TSPAN18: variants seen among roughly 807,000 people sequenced by gnomAD.
TSPAN18 encodes tetraspanin 18.
TSPAN18 carries 14 observed loss-of-function variants against 27.3 expected under a neutral mutation model. The ratio of observed to expected loss-of-function variants is 0.51; its 90% confidence interval spans 0.34 to 0.80. The LOEUF (loss-of-function observed/expected upper bound fraction) is 0.80. Among genes scored for constraint, TSPAN18 ranks in the 30% least tolerant of loss-of-function variants. The pLI is 0.01. For synonymous variants in TSPAN18, 143 were observed against 136.5 expected (o/e 1.05, Z -0.33); for missense variants, 268 against 323.9 (o/e 0.83, Z 1.32).
intron 3 of TSPAN18, among the ~76,000 whole-genome samples, chr11:44,902,642 C>T (rs996637110): frequency 1.3e-5 from 2 of 152,198 alleles, no homozygotes; most frequent in South Asian, 2.1e-4. Flanking sequence ...CAGCCCTGCC[C>T]ACTGCCCTCT....
At chr11:44,917,856 C>T in intron 5 of TSPAN18, 116 bp from the exon 6 acceptor site, 1 of 925,116 alleles carries the variant, frequency 1.1e-6, no homozygotes. Context: ...GTGCCTTAAT[C>T]TTACAAAATG....
In TSPAN18 at chr11:44,929,655, C is replaced by T. The variant is rs539535922; in HGVS notation, c.*477C>T. 157 of 159,146 alleles carry T rather than the reference C, an allele frequency of 9.9e-4. No homozygotes were observed. The highest frequency in any genetic ancestry group is 1.9e-3 in the Non-Finnish European group (135 of 72,546). 9.9% of individuals were successfully genotyped at this position (159,146 alleles called of 1,614,324 possible). ...GTCTTTGAGGACTCGGAACCCACAG[C>T]GCAATCCCTGGTCCACTGGAGGATG... is the stretch of plus-strand genomic sequence containing the variant. On this transcript the variant is annotated 3_prime_UTR_variant, in exon 10 of 10. Coordinates refer to ENST00000520358, the MANE Select transcript of TSPAN18 (RefSeq NM_130783.5).
intron 2 of TSPAN18, among the ~76,000 whole-genome samples, chr11:44,857,930 T>A (rs992876907): frequency 6.6e-5 from 10 of 152,158 alleles, no homozygotes; most frequent in Non-Finnish European, 1.3e-4. Context: ...CTCCTGAATG[T>A]CTCTAGTTCA....
At chr11:44,755,715 G>C (rs1855316396) in intron 1 of TSPAN18, among the ~76,000 whole-genome samples, 1 of 152,164 alleles carries the variant, frequency 6.6e-6, no homozygotes, top group Admixed American at 6.5e-5. Context: ...CATCAGGCTG[G>C]CAGTGGCCCA....
At position 44,926,912 on chromosome 11, in the gene TSPAN18, C is replaced by A. The variant is rs118057313; in HGVS notation, c.699+155C>A. On this transcript the variant is annotated intron_variant, in intron 9 of 9. Coordinates refer to ENST00000520358, the MANE Select transcript of TSPAN18 (RefSeq NM_130783.5). ...TATGGGGTGGTAAGCCCGGCTGTGT[C>A]TGTGCTGCCTGAGAGTCATTCTTGA... Among the ~76,000 whole-genome samples the A allele has an allele frequency of 1.2e-3, 187 of 152,338 alleles. 1 individual carries two copies. Among genetic ancestry groups the A allele is most frequent in the Non-Finnish European group, 2.1e-3 (142 of 68,026 alleles).
At position 44,727,493 on chromosome 11, in the gene TSPAN18, C is replaced by T. The variant is rs147442900; in HGVS notation, c.-240+206C>T. Among the ~76,000 whole-genome samples, 844 of 152,284 alleles carry T rather than the reference C, an allele frequency of 5.5e-3. 2 individuals are homozygous for T. The Middle Eastern group carries it at 0.058, about 11-fold the overall frequency. On this transcript the variant is annotated intron_variant, in intron 1 of 9. Transcript: ENST00000520358. Reference sequence around the variant, plus strand: ...GGGGGGCCGGGGACGGTCTCCACCCCGTGCCTGCCCGGAGTCCGCTGAGGG... The same window carrying T: ...GGGGGGCCGGGGACGGTCTCCACCCTGTGCCTGCCCGGAGTCCGCTGAGGG...
chr11:44,732,080 C>T (rs1854674635), intron 1 of TSPAN18, among the ~76,000 whole-genome samples: 1 of 152,234 alleles, frequency 6.6e-6, no homozygotes, highest in African/African-American at 2.4e-5. Flanking sequence ...GTGTTCTGCC[C>T]ATGGTCTGCT....
At chr11:44,815,509 G>T (rs762867523) in intron 2 of TSPAN18, among the ~76,000 whole-genome samples, 113 of 152,292 alleles carry the variant, frequency 7.4e-4, no homozygotes, top group Non-Finnish European at 1.3e-3. Flanking sequence ...TCCCTGGAGT[G>T]TGTGGTGTGT....
intron 1 of TSPAN18, among the ~76,000 whole-genome samples, chr11:44,736,007 A>G (rs1364681181): frequency 6.6e-6 from 1 of 152,168 alleles, no homozygotes; most frequent in East Asian, 1.9e-4. Flanking sequence ...ACACAGATCA[A>G]CCCATAGAGG....
intron 2 of TSPAN18, among the ~76,000 whole-genome samples, chr11:44,838,744 C>G (rs1276079223): frequency 6.6e-6 from 1 of 152,114 alleles, no homozygotes; most frequent in African/African-American, 2.4e-5. Flanking sequence ...AAAGTTTCTC[C>G]CCTGGAGCCT....
chr11:44,926,566 G>A, intron 8 of TSPAN18, 108 bp from the exon 9 acceptor site: 1 of 991,294 alleles, frequency 1.0e-6, no homozygotes, highest in Admixed American at 1.7e-5. Context: ...CGTGTGATAG[G>A]GTGAGAGCTC....
intron 4 of TSPAN18, among the ~76,000 whole-genome samples, chr11:44,909,318 G>C (rs145005909): frequency 6.6e-6 from 1 of 152,184 alleles, no homozygotes; most frequent in African/African-American, 2.4e-5. Flanking sequence ...TGAACTTGCT[G>C]TGTGACCTTC....
intron 1 of TSPAN18, among the ~76,000 whole-genome samples, chr11:44,760,110 A>G (rs1020454997): frequency 6.6e-6 from 1 of 152,322 alleles, no homozygotes; most frequent in Non-Finnish European, 1.5e-5. Flanking sequence ...GCATATGGCA[A>G]AGACTTAAAG....
intron 2 of TSPAN18, among the ~76,000 whole-genome samples, chr11:44,789,300 A>C (rs1856134966): frequency 6.6e-6 from 1 of 152,238 alleles, no homozygotes; most frequent in South Asian, 2.1e-4. Flanking sequence ...TCTTGTAGGG[A>C]TCTTCCCATC....
At chr11:44,861,744 T>C (rs1857892287) in intron 3 of TSPAN18, among the ~76,000 whole-genome samples, 1 of 150,318 alleles carries the variant, frequency 6.7e-6, no homozygotes, top group African/African-American at 2.5e-5. Flanking sequence ...GGTTGGCCTC[T>C]CTCTAAGTGC....
At chr11:44,753,948 T>C (rs1855271658) in intron 1 of TSPAN18, among the ~76,000 whole-genome samples, 1 of 152,204 alleles carries the variant, frequency 6.6e-6, no homozygotes, top group Non-Finnish European at 1.5e-5. Flanking sequence ...TCACTAGGAC[T>C]CCCTTGACCG....
At chr11:44,878,319 A>G (rs835837) in intron 3 of TSPAN18, among the ~76,000 whole-genome samples, 104,640 of 152,068 alleles carry the variant, frequency 0.69, 38,248 homozygotes, top group Non-Finnish European at 0.83. Flanking sequence ...AGGAGGGAAC[A>G]AGCCACGCTG....
intron 2 of TSPAN18, among the ~76,000 whole-genome samples, chr11:44,856,342 C>T (rs1403865316): frequency 6.6e-6 from 1 of 152,186 alleles, no homozygotes; most frequent in East Asian, 1.9e-4. Context: ...CCACTCTGCC[C>T]CAACAGGCGG....
chr11:44,831,555 C>T (rs1857153851), intron 2 of TSPAN18, among the ~76,000 whole-genome samples: 1 of 152,206 alleles, frequency 6.6e-6, no homozygotes, highest in Non-Finnish European at 1.5e-5. Context: ...TACACGGCCC[C>T]TTCACCACTC....
Sources: gnomAD v4.1 joint callset for allele counts (sites outside exome capture counted in the v4.1 genomes callset) on GRCh38, gnomAD v4.1.1 for gene constraint, MANE v1.5 for transcripts, NCBI Gene and HGNC (gene_info 2026-07-23, HGNC 2026-07-21) for gene names.